The following MYEF2 variants were observed in gnomAD, a reference collection of about 807,000 sequenced individuals.
MYEF2 encodes myelin gene expression factor 2.
Under a neutral mutation model 75.2 loss-of-function variants are expected in MYEF2, and 37 were observed. The ratio of observed to expected loss-of-function variants is 0.49; its 90% CI spans 0.38 to 0.65. The LOEUF (loss-of-function observed/expected upper bound fraction) is 0.65. Among genes scored for constraint, MYEF2 ranks in the 30% least tolerant of loss-of-function variants. The probability of loss-of-function intolerance (pLI) is 0.00; values close to 1 mark genes in which losing one functional copy is unlikely to be tolerated. For synonymous variants in MYEF2, 195 were observed against 241.6 expected (o/e 0.81, Z 1.79); for missense variants, 634 against 771.4 (o/e 0.82, Z 2.11).
chr15:48,166,086 TTTGAC>T (rs1383416263), intron 4 of MYEF2, 30 bp downstream of exon 4: 1 of 1,581,236 alleles, frequency 6.3e-7, no homozygotes, highest in Non-Finnish European at 8.6e-7. Context: ...CAAAGTTTAA[TTTGAC>T]TTAAGATACT....
At chr15:48,163,661 T>G (rs2040033055) in intron 5 of MYEF2, among the ~76,000 whole-genome samples, 1 of 152,176 alleles carries the variant, frequency 6.6e-6, no homozygotes, top group South Asian at 2.1e-4. Context: ...GTGTTTGGCT[T>G]CAAAGCTTCA....
intron 9 of MYEF2, 133 bp from the exon 10 acceptor site, chr15:48,154,026 G>T: frequency 1.6e-6 from 1 of 615,542 alleles, no homozygotes; most frequent in Non-Finnish European, 2.8e-6. Context: ...TAAAAGCACT[G>T]GTTCTTGTTT....
Position 48,136,665 on chromosome 15 carries a change from C to T in MYEF2, c.*6243G>A, listed in dbSNP as rs1433163262. 38 of 1,573,020 alleles carry T rather than the reference C, an allele frequency of 2.4e-5. No individual in the cohort carries two copies. The highest frequency in any genetic ancestry group is 3.3e-5 in the Non-Finnish European group (38 of 1,160,754). ...GACTTTCACTTTTAATTTAAAAACA[C>T]AAATTTCTCTTTTGTAGGTATGAAG... On this transcript the variant is annotated 3_prime_UTR_variant, in exon 17 of 17. Coordinates refer to ENST00000324324, the MANE Select transcript of MYEF2 (RefSeq NM_016132.5).
rs2038900397 is a variant in MYEF2, at chr15:48,136,403, T to G, written c.*6505A>C. On this transcript the variant is annotated 3_prime_UTR_variant, in exon 17 of 17. Transcript: ENST00000324324. ...TCCAATTATCATTTTCCTTGCATTT[T>G]TATACCTATCATTTGGAAGGAATCT... The G allele has an allele frequency of 3.6e-6, 1 of 276,224 alleles. No homozygotes were observed. The highest frequency in any genetic ancestry group is 6.5e-5 in the East Asian group (1 of 15,372). 17.1% of individuals were successfully genotyped at this position (276,224 alleles called of 1,614,324 possible).
chr15:48,168,725 T>G lies in MYEF2; in HGVS notation c.276A>C (p.Gly92=), dbSNP rs1183685339. Residue 92 remains glycine (G), a synonymous_variant, in exon 2 of 17, where the codon GGA becomes GGC. Coordinates refer to ENST00000324324, the MANE Select transcript of MYEF2 (RefSeq NM_016132.5). ...PYSKDKNSGA[G]EKKGPNRNRV... is the part of the protein sequence containing the mutation. ...TGTTACGATTTGGACCCTTCTTTTC[T>G]CCAGCGCCCGAATTCTTGTCTTTTG... 1 of 1,613,840 alleles carries G rather than the reference T, an allele frequency of 6.2e-7. No individual in the cohort carries two copies. Among genetic ancestry groups the G allele is most frequent in the African/African-American group, 1.3e-5 (1 of 75,046 alleles).
chr15:48,167,328 A>G (rs367552295), intron 3 of MYEF2, 21 bp downstream of exon 3: 9 of 1,612,108 alleles, frequency 5.6e-6, no homozygotes, highest in Non-Finnish European at 7.6e-6. Flanking sequence ...CCTCAAGCAG[A>G]TTATTGCCCA....
Position 48,135,044 on chromosome 15 carries a change from A to G in MYEF2, c.*7864T>C. 2 of 1,363,890 alleles carry G rather than the reference A, an allele frequency of 1.5e-6. No individual in the cohort carries two copies. The highest frequency in any genetic ancestry group is 2.1e-6 in the Non-Finnish European group (2 of 963,768). 84.5% of individuals were successfully genotyped at this position (1,363,890 alleles called of 1,614,324 possible). ...AGATTTTATGAATTTCTGATGGTTC[A>G]GTAATTTTTTTTCAGAAATGTTATT... On this transcript the variant is annotated 3_prime_UTR_variant, in exon 17 of 17. Coordinates refer to ENST00000324324, the MANE Select transcript of MYEF2 (RefSeq NM_016132.5).
rs750801958 is a variant in MYEF2, at chr15:48,151,981, T to C, written c.1139-39A>G. ...ATTAATTTTGAGATCCAACTGTCAG[T>C]CATGTAGCTGAAAGGTACGTTTTGT... On this transcript the variant is annotated intron_variant, in intron 11 of 16. Coordinates refer to ENST00000324324, the MANE Select transcript of MYEF2 (RefSeq NM_016132.5). 4 of 1,588,010 alleles carry C rather than the reference T, an allele frequency of 2.5e-6. No individual in the cohort carries two copies. The South Asian group carries it at 3.3e-5, about 13-fold the overall frequency.
chr15:48,149,345 C>T lies in MYEF2; in HGVS notation c.1405G>A (p.Val469Met). The T allele has an allele frequency of 6.2e-7, 1 of 1,612,988 alleles. No individual in the cohort carries two copies. Among genetic ancestry groups the T allele is most frequent in the South Asian group, 1.1e-5 (1 of 91,044 alleles). ...AGTCCCATCCCCATTCCTCCAGTCA[C>T]ACTGTTCATGCTACCCATTCCACCA... Reference protein sequence around the residue: ...ISGGMGSMNSVTGGMGMGLDR... With the variant: ...ISGGMGSMNSMTGGMGMGLDR... The change falls in exon 15 of 17, where the codon GTG (valine) becomes ATG (methionine). Residue 469 changes from valine to methionine, a missense_variant. By Grantham distance (21) the Val-to-Met change is conservative. Transcript: ENST00000324324. This position sits in a 1 kb window ranked among gnomAD's most constrained non-coding sequence, Gnocchi z 4.0.
In MYEF2 at chr15:48,141,454, G is replaced by C. The variant is rs2039081847; in HGVS notation, c.*1454C>G. The C allele has an allele frequency of 6.5e-6, 2 of 306,580 alleles. No individual in the cohort carries two copies. The highest frequency in any genetic ancestry group is 7.2e-5 in the South Asian group (2 of 27,906). The allele number at this position is 306,580 out of a possible 1,614,324, so 19.0% of individuals were successfully genotyped here. A position where few individuals can be genotyped will look rare whatever the true frequency, so the allele number is the denominator to read the frequency against. On this transcript the variant is annotated 3_prime_UTR_variant, in exon 17 of 17. Transcript: ENST00000324324. ...TAGCCGGGCGTGGTGGCATGTGCCTGTAATCCCAGCTACTCAGGAGGCTGA... is the reference window on the plus strand; with the variant it reads ...TAGCCGGGCGTGGTGGCATGTGCCTCTAATCCCAGCTACTCAGGAGGCTGA...
intron 1 of MYEF2, among the ~76,000 whole-genome samples, chr15:48,173,165 A>G (rs2040401140): frequency 6.6e-6 from 1 of 152,228 alleles, no homozygotes; most frequent in Non-Finnish European, 1.5e-5. Context: ...AATGGTATCT[A>G]TATCAGGGAC....
rs922766510 is a variant in MYEF2 at position 48,178,217 on chromosome 15, G to C, written c.21C>G (p.Ala7=). MADANK[A]EVPGATGGDS... ...CGCCACCAGTGGCCCCGGGCACCTC[G>C]GCCTTGTTGGCGTCCGCCATCCCGC... The change falls in exon 1 of 17, where the codon GCC becomes GCG. Residue 7 remains alanine, a synonymous_variant. Coordinates refer to ENST00000324324, the MANE Select transcript of MYEF2 (RefSeq NM_016132.5). The C allele has an allele frequency of 7.0e-7, 1 of 1,429,120 alleles. No homozygotes were observed. The allele number at this position is 1,429,120 out of a possible 1,614,324, so 88.5% of individuals were successfully genotyped here. A position where few individuals can be genotyped will look rare whatever the true frequency, so the allele number is the denominator to read the frequency against.
intron 9 of MYEF2, chr15:48,157,514 C>A (rs1186042424): frequency 6.4e-6 from 1 of 156,190 alleles, no homozygotes; most frequent in Non-Finnish European, 1.4e-5. Flanking sequence ...AGTTATGGAA[C>A]ATCTATATGA....
intron 16 of MYEF2, among the ~76,000 whole-genome samples, chr15:48,145,187 C>T (rs1381465229): frequency 6.6e-6 from 1 of 151,714 alleles, no homozygotes; most frequent in Non-Finnish European, 1.5e-5. Flanking sequence ...GGACAGTAGC[C>T]CATAAATATT....
At position 48,138,901 on chromosome 15, in the gene MYEF2, T is replaced by C; in HGVS notation, c.*4007A>G. 1.7e-6 allele frequency: 2 copies of C among 1,181,408 alleles called. No homozygotes were observed. The highest frequency in any genetic ancestry group is 1.2e-6 in the Non-Finnish European group (1 of 822,322). The allele number at this position is 1,181,408 out of a possible 1,614,324, so 73.2% of individuals were successfully genotyped here. A position where few individuals can be genotyped will look rare whatever the true frequency, so the allele number is the denominator to read the frequency against. ...GCTAATTTATTTCAATATAACTTTC[T>C]AAATAGGCATTTCTAACTTAATTAG... is the stretch of plus-strand genomic sequence containing the variant. On this transcript the variant is annotated 3_prime_UTR_variant, in exon 17 of 17. Transcript: ENST00000324324.
Position 48,149,328 on chromosome 15 carries a change from C to T in MYEF2, c.1422G>A (p.Gly474=). The part of the protein sequence containing the change: ...GSMNSVTGGM[G]MGLDRMSSSF... ...TGGAACTCATCCGGTCCAGTCCCAT[C>T]CCCATTCCTCCAGTCACACTGTTCA... The change falls in exon 15 of 17, where the codon GGG becomes GGA. Residue 474 remains glycine, a synonymous_variant. Coordinates refer to ENST00000324324, the MANE Select transcript of MYEF2 (RefSeq NM_016132.5). This position sits in a 1 kb window ranked among gnomAD's most constrained non-coding sequence, Gnocchi z 4.0. The T allele has an allele frequency of 1.2e-6, 2 of 1,613,146 alleles. No individual in the cohort carries two copies. Among genetic ancestry groups the T allele is most frequent in the Admixed American group, 1.7e-5 (1 of 59,922 alleles).
In MYEF2 at chr15:48,152,075, C is replaced by T. The variant is rs558888559; in HGVS notation, c.1139-133G>A. 64 of 1,149,836 alleles carry T rather than the reference C, an allele frequency of 5.6e-5. No homozygotes were observed. In the South Asian group the frequency reaches 7.5e-4, roughly 13 times the overall value. The allele number at this position is 1,149,836 out of a possible 1,614,324, so 71.2% of individuals were successfully genotyped here. A position where few individuals can be genotyped will look rare whatever the true frequency, so the allele number is the denominator to read the frequency against. ...GTGCAGCTACTTCTTAACACATCAC[C>T]TTCCTTTAAGTATGTACCAGGCTCA... On this transcript the variant is annotated intron_variant, in intron 11 of 16. Transcript: ENST00000324324.
intron 1 of MYEF2, among the ~76,000 whole-genome samples, chr15:48,174,076 C>T (rs1418840476): frequency 6.6e-6 from 1 of 152,038 alleles, no homozygotes; most frequent in Non-Finnish European, 1.5e-5. Flanking sequence ...TACCACACTA[C>T]CTGATTCAAG....
rs775812510 is a variant in MYEF2, at chr15:48,137,000, G to C, written c.*5908C>G. On this transcript the variant is annotated 3_prime_UTR_variant, in exon 17 of 17. Transcript: ENST00000324324. The stretch of plus-strand genomic sequence containing the variant: ...ATCTTGCCCATTATTAAGTCTATTC[G>C]CAAAGGAAAAACTTTAAAATTTCAT... 6.4e-7 allele frequency: 1 copy of C among 1,553,930 alleles called. No individual in the cohort carries two copies. The highest frequency in any genetic ancestry group is 1.9e-5 in the Admixed American group (1 of 51,424).
Sources: allele counts gnomAD v4.1 joint callset (sites outside exome capture counted in the v4.1 genomes callset), GRCh38; gene constraint gnomAD v4.1.1; non-coding constraint Gnocchi (gnomAD v3.1); transcripts MANE v1.5; gene names NCBI Gene and HGNC (gene_info 2026-07-23, HGNC 2026-07-21).